PCDH15: variants seen among roughly 807,000 people sequenced by gnomAD.
The protein encoded by PCDH15 is protocadherin related 15, also known as protocadherin-15.
In PCDH15, 129 loss-of-function variants were observed where a neutral mutation model predicts 178.5. That is an observed-to-expected ratio of 0.72 (90% CI 0.63 to 0.84). The LOEUF is 0.84. PCDH15 is among the 40% of genes least tolerant of loss of function. The probability of loss-of-function intolerance (pLI) is 0.00; values close to 1 mark genes in which losing one functional copy is unlikely to be tolerated. For missense variants in PCDH15, 2,230 were observed against 2,099.9 expected (o/e 1.06, Z -1.21); for synonymous variants, 800 against 732.0 (o/e 1.09, Z -1.50).
At chr10:55,446,168 G>C (rs1480673306) in intron 2 of PCDH15, among the ~76,000 whole-genome samples, 1 of 151,546 alleles carries the variant, frequency 6.6e-6, no homozygotes. Flanking sequence ...CCATGTAGTT[G>C]AGAAGCACAT....
intron 2 of PCDH15, among the ~76,000 whole-genome samples, chr10:55,566,809 A>G (rs1367487107): frequency 6.6e-6 from 1 of 151,916 alleles, no homozygotes; most frequent in East Asian, 1.9e-4. Flanking sequence ...GGCATCTCAT[A>G]TTCATGATTG....
intron 2 of PCDH15, among the ~76,000 whole-genome samples, chr10:55,422,904 T>G (rs16907409): frequency 2.0e-5 from 3 of 151,852 alleles, no homozygotes. Flanking sequence ...TGCCTATCAC[T>G]ATAAATCAAC....
chr10:54,298,128 A>G (rs1018736685), intron 8 of PCDH15, among the ~76,000 whole-genome samples: 3 of 152,160 alleles, frequency 2.0e-5, no homozygotes, highest in Admixed American at 6.5e-5. Context: ...GATGTCCACC[A>G]TAACTCATGG....
intron 1 of PCDH15, among the ~76,000 whole-genome samples, chr10:54,781,932 T>C (rs558828670): frequency 7.9e-5 from 12 of 152,314 alleles, no homozygotes; most frequent in African/African-American, 2.9e-4. Flanking sequence ...AGATGTATTA[T>C]GCTTTTTCAA....
At chr10:53,822,582 C>T in intron 32 of PCDH15, 2 of 1,613,948 alleles carry the variant, frequency 1.2e-6, no homozygotes, top group Non-Finnish European at 1.7e-6. Context: ...AGGTGTCTCT[C>T]TCCTAGAGAG....
intron 18 of PCDH15, among the ~76,000 whole-genome samples, chr10:54,057,706 A>G (rs762943409): frequency 6.6e-6 from 1 of 152,144 alleles, no homozygotes; most frequent in African/African-American, 2.4e-5. Context: ...CTCCTTACTT[A>G]TGCAAATTTC....
chr10:53,916,189 C>A (rs1175619437), intron 25 of PCDH15, among the ~76,000 whole-genome samples: 1 of 152,158 alleles, frequency 6.6e-6, no homozygotes, highest in African/African-American at 2.4e-5. Flanking sequence ...CCATCCATTT[C>A]TTTTCTGAAT....
rs544892918 is a variant in PCDH15, at chr10:54,767,963, G to A, written c.-29+32962C>T. 5.0e-4 allele frequency among the ~76,000 whole-genome samples: 76 copies of A among 152,038 alleles called. 1 individual carries two copies. The South Asian group carries it at 0.012, about 25-fold the overall frequency. On this transcript the variant is annotated intron_variant, in intron 1 of 37. Coordinates refer to ENST00000644397, the MANE Select transcript of PCDH15 (RefSeq NM_001384140.1). ...ACTATGAATTTCAGTTAATAATAACGCATCAATATTTATTATCTAATTTTA... is the reference window on the plus strand; with the variant it reads ...ACTATGAATTTCAGTTAATAATAACACATCAATATTTATTATCTAATTTTA...
At chr10:54,705,960 G>T (rs1165971568) in intron 1 of PCDH15, among the ~76,000 whole-genome samples, 1 of 152,148 alleles carries the variant, frequency 6.6e-6, no homozygotes, top group Non-Finnish European at 1.5e-5. Flanking sequence ...TTCTCAGAGA[G>T]TGGAGATTAG....
At chr10:54,680,559 C>A (rs549931774) in intron 1 of PCDH15, among the ~76,000 whole-genome samples, 1 of 152,048 alleles carries the variant, frequency 6.6e-6, no homozygotes, top group African/African-American at 2.4e-5. Context: ...GGTTGTGTCC[C>A]CACCCAAATC....
At chr10:55,547,924 A>T (rs1430826825) in intron 2 of PCDH15, among the ~76,000 whole-genome samples, 15 of 146,344 alleles carry the variant, frequency 1.0e-4, no homozygotes, top group East Asian at 4.2e-4. Flanking sequence ...AGAGAGAGAG[A>T]GAGAGAGAGA....
intron 2 of PCDH15, among the ~76,000 whole-genome samples, chr10:55,455,909 TGA>T (rs1839540532): frequency 6.6e-6 from 1 of 152,144 alleles, no homozygotes; most frequent in African/African-American, 2.4e-5. Flanking sequence ...GCCATCAACC[TGA>T]GGCTGTCTTC....
chr10:53,810,835 C>T (rs2075838225), intron 36 of PCDH15, among the ~76,000 whole-genome samples, 171 bp from the exon 37 acceptor site: 1 of 152,132 alleles, frequency 6.6e-6, no homozygotes, highest in Non-Finnish European at 1.5e-5. Context: ...AGAACTGCTA[C>T]CTGATGACCA....
chr10:54,184,994 T>G (rs1411773260), intron 12 of PCDH15, 140 bp downstream of exon 12: 1 of 981,370 alleles, frequency 1.0e-6, no homozygotes, highest in African/African-American at 1.6e-5. Context: ...ATTGATCTTC[T>G]CTCTGGTATT....
At chr10:54,924,551 A>G (rs1167410804) in intron 2 of PCDH15, among the ~76,000 whole-genome samples, 1 of 88,102 alleles carries the variant, frequency 1.1e-5, no homozygotes, top group Non-Finnish European at 3.3e-5. Context: ...AAAAATTTAC[A>G]CTCCCCCCAT....
At chr10:54,176,998 A>C (rs1414685948) in intron 13 of PCDH15, among the ~76,000 whole-genome samples, 1 of 152,248 alleles carries the variant, frequency 6.6e-6, no homozygotes, top group East Asian at 1.9e-4. Flanking sequence ...CAGCTTTATT[A>C]ATAATGGCCA....
chr10:54,803,176 T>A (rs1054355087), upstream of PCDH15, among the ~76,000 whole-genome samples: 2 of 152,200 alleles, frequency 1.3e-5, no homozygotes, highest in African/African-American at 4.8e-5. Context: ...AAAGTCCACT[T>A]GAATCCTACT....
At chr10:54,862,930 A>T (rs1953870759) in intron 3 of PCDH15, among the ~76,000 whole-genome samples, 1 of 152,160 alleles carries the variant, frequency 6.6e-6, no homozygotes, top group Non-Finnish European at 1.5e-5. Flanking sequence ...CAAAATTAAC[A>T]GAGACATCAG....
intron 14 of PCDH15, among the ~76,000 whole-genome samples, chr10:54,151,543 G>GA (rs1239030938): frequency 5.0e-4 from 75 of 151,054 alleles, no homozygotes; most frequent in South Asian, 1.3e-3. Context: ...TGGGCTAGGG[G>GA]GAAAAAATGT....
Sources: gnomAD v4.1 joint callset for allele counts (sites outside exome capture counted in the v4.1 genomes callset) on GRCh38, gnomAD v4.1.1 for gene constraint, MANE v1.5 for transcripts, NCBI Gene and HGNC (gene_info 2026-07-23, HGNC 2026-07-21) for gene names.